MPV17: variants seen among roughly 807,000 people sequenced by gnomAD.
MPV17 encodes the protein MPV17, mitochondrial inner membrane protein.
In MPV17, 31 loss-of-function variants were observed where a neutral mutation model predicts 28.6. The ratio of observed to expected loss-of-function variants is 1.08; its 90% CI spans 0.81 to 1.46. The LOEUF (loss-of-function observed/expected upper bound fraction) is 1.46. Among genes scored for constraint, MPV17 ranks in the 40% most tolerant of loss-of-function variants. MPV17 has a pLI of 0.00. For missense variants in MPV17, 198 were observed against 216.2 expected (o/e 0.92, Z 0.53); for synonymous variants, 87 against 85.3 (o/e 1.02, Z -0.11).
chr2:27,320,065 G>A (rs1412399525), intron 2 of MPV17, among the ~76,000 whole-genome samples: 5 of 151,410 alleles, frequency 3.3e-5, no homozygotes, highest in African/African-American at 2.4e-5. Flanking sequence ...GTGAAATCCC[G>A]TCTCTACTAA....
At chr2:27,311,711 T>C in intron 7 of MPV17, 188 bp downstream of exon 7, 1 of 1,551,458 alleles carries the variant, frequency 6.4e-7, no homozygotes, top group Non-Finnish European at 8.7e-7. Flanking sequence ...GGGCAGACAC[T>C]CTGGGACAGT....
At chr2:27,316,771 A>C (rs1679669677) in intron 2 of MPV17, 1 of 299,972 alleles carries the variant, frequency 3.3e-6, no homozygotes, top group East Asian at 6.9e-5. Flanking sequence ...GCAGACACAT[A>C]ATGGCCAGAG....
chr2:27,318,653 A>G (rs2148221723), intron 2 of MPV17, among the ~76,000 whole-genome samples: 1 of 152,052 alleles, frequency 6.6e-6, no homozygotes, highest in African/African-American at 2.4e-5. Flanking sequence ...AGCCTGGGGT[A>G]AGTCTTTGGA....
chr2:27,322,703 A>G, intron 1 of MPV17, 181 bp from the exon 2 acceptor site: 3 of 618,918 alleles, frequency 4.8e-6, no homozygotes, highest in South Asian at 3.7e-5. Context: ...GCCTTAGACA[A>G]TTGGGGAAGA....
chr2:27,320,914 G>C (rs967912080), intron 2 of MPV17, among the ~76,000 whole-genome samples: 9 of 152,164 alleles, frequency 5.9e-5, no homozygotes, highest in African/African-American at 2.2e-4. Flanking sequence ...AGTCTGGATG[G>C]TCTGAAAAAG....
intron 7 of MPV17, among the ~76,000 whole-genome samples, chr2:27,310,870 G>C (rs1254940250): frequency 6.6e-6 from 1 of 151,634 alleles, no homozygotes; most frequent in Admixed American, 6.6e-5. Context: ...TCAGCCTCCC[G>C]AGTAGCTGGG....
Position 27,309,757 on chromosome 2 carries a change from G to T in MPV17, c.*155C>A. On this transcript the variant is annotated 3_prime_UTR_variant, in exon 8 of 8. Transcript: ENST00000380044. ...TCTAAAGCAGTCAGTGTACATTTTA[G>T]AGTGAAGAGGGGCATTGCAGGGTGC... The T allele has an allele frequency of 1.4e-6, 1 of 704,794 alleles. No individual in the cohort carries two copies. Among genetic ancestry groups the T allele is most frequent in the South Asian group, 1.5e-5 (1 of 65,858 alleles). 43.7% of individuals were successfully genotyped at this position (704,794 alleles called of 1,614,324 possible).
chr2:27,322,697 T>C (rs1357789883), intron 1 of MPV17, 175 bp from the exon 2 acceptor site: 3 of 625,912 alleles, frequency 4.8e-6, no homozygotes, highest in African/African-American at 1.8e-5. Context: ...GGAGTCGCCT[T>C]AGACAATTGG....
chr2:27,321,992 A>G (rs544262097), intron 2 of MPV17: 3 of 194,476 alleles, frequency 1.5e-5, no homozygotes, highest in South Asian at 8.8e-5. Context: ...TGTATGTTTC[A>G]CAATAAAAAA....
At chr2:27,310,053 G>T in intron 7 of MPV17, 72 bp from the exon 8 acceptor site, 1 of 1,171,696 alleles carries the variant, frequency 8.5e-7, no homozygotes, top group Non-Finnish European at 1.3e-6. Context: ...ATGGGAGCAT[G>T]AAATGGCAAA....
intron 7 of MPV17, chr2:27,311,505 C>A: frequency 1.6e-6 from 2 of 1,221,688 alleles, no homozygotes; most frequent in Non-Finnish European, 2.3e-6. Flanking sequence ...TTTTTGGGTG[C>A]AGTTCAGCAA....
intron 2 of MPV17, chr2:27,315,991 G>T: frequency 6.6e-7 from 1 of 1,523,130 alleles, no homozygotes; most frequent in Non-Finnish European, 8.8e-7. Flanking sequence ...GGGCTGAGAT[G>T]GGCTCAGAGG....
Position 27,312,696 on chromosome 2 carries a change from T to G in MPV17, c.263A>C (p.Lys88Thr). 1 of 1,614,178 alleles carries G rather than the reference T, an allele frequency of 6.2e-7. No homozygotes were observed. The highest frequency in any genetic ancestry group is 8.5e-7 in the Non-Finnish European group (1 of 1,180,002). Residue 88 changes from lysine (K) to threonine (T), a missense_variant, in exon 4 of 8, where the codon AAG (lysine) becomes ACG (threonine). Physicochemically the swap from Lys to Thr is moderately conservative, Grantham distance 78. Coordinates refer to ENST00000380044, the MANE Select transcript of MPV17 (RefSeq NM_002437.5). ...PGTTKVDALKKMLLDQGGFAP... is the reference protein window; with the variant it reads ...PGTTKVDALKTMLLDQGGFAP... ...CCTGCTCACCTGATCCAACAACATC[T>G]TCTTCAGTGCATCCACTTTGGTGGT...
intron 2 of MPV17, among the ~76,000 whole-genome samples, chr2:27,316,575 C>A (rs1041942768): frequency 6.6e-6 from 1 of 152,232 alleles, no homozygotes; most frequent in East Asian, 1.9e-4. Context: ...CCAAGTGACC[C>A]TTTGGGCAGG....
chr2:27,317,318 G>C lies in MPV17; in HGVS notation c.71-4209C>G, dbSNP rs1322665651. ...GAGTGGAAGCCCAGCAGCGGGAGGG[G>C]AGTGGATCCTCTGGGATTATTCTGA... On this transcript the variant is annotated intron_variant, in intron 2 of 7. Transcript: ENST00000380044. The surrounding 1 kb of genome is among the most constrained non-coding windows in gnomAD (Gnocchi z 4.0). 11 of 1,201,864 alleles carry C rather than the reference G, an allele frequency of 9.2e-6. No homozygotes were observed. Among genetic ancestry groups the C allele is most frequent in the Non-Finnish European group, 1.2e-5 (11 of 885,264 alleles). The allele number at this position is 1,201,864 out of a possible 1,614,324, so 74.4% of individuals were successfully genotyped here. A position where few individuals can be genotyped will look rare whatever the true frequency, so the allele number is the denominator to read the frequency against.
intron 6 of MPV17, 30 bp from the exon 7 acceptor site, chr2:27,311,981 C>T: frequency 3.7e-6 from 6 of 1,610,656 alleles, no homozygotes; most frequent in Non-Finnish European, 5.1e-6. Context: ...GGTTGGATGG[C>T]TGCCCCACCA....
chr2:27,314,075 G>A (rs761215639), intron 2 of MPV17, among the ~76,000 whole-genome samples: 4 of 152,138 alleles, frequency 2.6e-5, no homozygotes, highest in African/African-American at 7.2e-5. Context: ...CTGTAATCCC[G>A]GCACTCTGGG....
In MPV17 at chr2:27,309,690, G is replaced by A. The variant is rs1679352610; in HGVS notation, c.*222C>T. ...CATGAAGGTTCAACAGATATTTATG[G>A]AGTGCCTAGTATGTGGTGGGAATAA... is the stretch of plus-strand genomic sequence containing the variant. On this transcript the variant is annotated 3_prime_UTR_variant, in exon 8 of 8. Transcript: ENST00000380044. 1 of 626,294 alleles carries A rather than the reference G, an allele frequency of 1.6e-6. No homozygotes were observed. Among genetic ancestry groups the A allele is most frequent in the Admixed American group, 2.6e-5 (1 of 38,828 alleles). 38.8% of individuals were successfully genotyped at this position (626,294 alleles called of 1,614,324 possible).
chr2:27,311,435 CCT>C lies in MPV17; in HGVS notation c.461+462_461+463del, dbSNP rs199729168. The stretch of plus-strand genomic sequence containing the variant: ...CCCTCTGAAGCGTTCCATATTTTCC[CCT>C]GTTCCCACGATCCTTCACCTTCAAG... On this transcript the variant is annotated intron_variant, in intron 7 of 7. Coordinates refer to ENST00000380044, the MANE Select transcript of MPV17 (RefSeq NM_002437.5). The C allele has an allele frequency of 3.6e-3, 2,610 of 728,102 alleles. 48 individuals are homozygous for C. The African/African-American group carries it at 0.042, about 12-fold the overall frequency. The allele number at this position is 728,102 out of a possible 1,614,324, so 45.1% of individuals were successfully genotyped here. A position where few individuals can be genotyped will look rare whatever the true frequency, so the allele number is the denominator to read the frequency against.
Sources: gnomAD v4.1 joint callset for allele counts (sites outside exome capture counted in the v4.1 genomes callset) on GRCh38, gnomAD v4.1.1 for gene constraint, Gnocchi (gnomAD v3.1) non-coding constraint, MANE v1.5 for transcripts, NCBI Gene and HGNC (gene_info 2026-07-23, HGNC 2026-07-21) for gene names.